Variants in CHSY3 observed in about 807,000 individuals in gnomAD.
CHSY3 encodes the protein N-acetylgalactosaminyl-proteoglycan 3-beta-glucuronosyltransferase 3.
CHSY3 carries 35 observed loss-of-function variants against 67.2 expected under a neutral mutation model. That is an observed-to-expected ratio of 0.52 (90% CI 0.40 to 0.69). The LOEUF is 0.69. CHSY3 is among the 30% of genes least tolerant of loss of function. CHSY3 has a pLI of 0.00. For missense variants in CHSY3, 1,069 were observed against 1,138.5 expected (o/e 0.94, Z 0.88); for synonymous variants, 474 against 434.7 (o/e 1.09, Z -1.12).
At chr5:130,143,756 A>ATATATATATATATATATATG (rs1433405052) in intron 2 of CHSY3, among the ~76,000 whole-genome samples, 10 of 101,914 alleles carry the variant, frequency 9.8e-5, no homozygotes, top group Admixed American at 5.4e-4. Flanking sequence ...ATATATATAT[A>ATATATATATATATATATATG]TGTGTGTGTG....
intron 2 of CHSY3, among the ~76,000 whole-genome samples, chr5:130,171,865 G>GT (rs557642147): frequency 2.5e-4 from 38 of 152,280 alleles, no homozygotes; most frequent in African/African-American, 8.7e-4. Context: ...CACTTATCAG[G>GT]TTGTTTTTGA....
intron 2 of CHSY3, among the ~76,000 whole-genome samples, chr5:130,123,109 A>G (rs753735947): frequency 6.6e-6 from 1 of 152,166 alleles, no homozygotes; most frequent in Non-Finnish European, 1.5e-5. Context: ...TAGAGCCATT[A>G]GTTAAAAACA....
At chr5:129,910,910 G>A (rs766998371) in intron 2 of CHSY3, among the ~76,000 whole-genome samples, 54 of 150,780 alleles carry the variant, frequency 3.6e-4, no homozygotes, top group Non-Finnish European at 6.8e-4. Flanking sequence ...TCTTTTAAAA[G>A]CACTATCTGT....
At chr5:130,091,220 T>A (rs1766872485) in intron 2 of CHSY3, among the ~76,000 whole-genome samples, 1 of 152,084 alleles carries the variant, frequency 6.6e-6, no homozygotes, top group Non-Finnish European at 1.5e-5. Flanking sequence ...AGGGCCATGA[T>A]TCAGTCCTTT....
At chr5:130,012,871 A>G (rs1764108581) in intron 2 of CHSY3, among the ~76,000 whole-genome samples, 1 of 152,082 alleles carries the variant, frequency 6.6e-6, no homozygotes, top group Admixed American at 6.6e-5. Flanking sequence ...AAAAAGTCTT[A>G]ACTCATTCTA....
At position 130,117,129 on chromosome 5, in the gene CHSY3, G is replaced by A. The variant is rs138924818; in HGVS notation, c.1087-67100G>A. On this transcript the variant is annotated intron_variant, in intron 2 of 2. Coordinates refer to ENST00000305031, the MANE Select transcript of CHSY3 (RefSeq NM_175856.5). ...GAGACTCACTACAGTGGTGTGAGGA[G>A]GAGCAATTAGATACCTGTATTTGGA... is the stretch of plus-strand genomic sequence containing the variant. Among the ~76,000 whole-genome samples, 632 of 152,268 alleles carry A rather than the reference G, an allele frequency of 4.2e-3. 7 individuals carry two copies. The highest frequency in any genetic ancestry group is 0.035 in the South Asian group (171 of 4,826).
At chr5:129,950,564 TTC>T (rs1165041932) in intron 2 of CHSY3, among the ~76,000 whole-genome samples, 3 of 152,202 alleles carry the variant, frequency 2.0e-5, no homozygotes, top group Non-Finnish European at 2.9e-5. Context: ...AATAAATATA[TTC>T]AGTAAAGTTT....
chr5:130,099,238 T>C (rs570708157), intron 2 of CHSY3, among the ~76,000 whole-genome samples: 1 of 152,366 alleles, frequency 6.6e-6, no homozygotes, highest in South Asian at 2.1e-4. Context: ...GGAAGTTGTT[T>C]TTCTTTCTGG....
In CHSY3 at chr5:129,930,607, G is replaced by A. The variant is rs140648178; in HGVS notation, c.1086+22247G>A. Among the ~76,000 whole-genome samples, 24 of 151,864 alleles carry A rather than the reference G, an allele frequency of 1.6e-4. No individual in the cohort carries two copies. In the East Asian group the frequency reaches 4.5e-3, roughly 28 times the overall value. ...GGTGAGCTGCATATGATGCCCTGAG[G>A]GGAGGACGGTCAGGCTAGTTTCACC... On this transcript the variant is annotated intron_variant, in intron 2 of 2. Coordinates refer to ENST00000305031, the MANE Select transcript of CHSY3 (RefSeq NM_175856.5).
chr5:130,146,110 A>T (rs1045635793), intron 2 of CHSY3, among the ~76,000 whole-genome samples: 1 of 152,190 alleles, frequency 6.6e-6, no homozygotes, highest in African/African-American at 2.4e-5. Flanking sequence ...TATATATCCA[A>T]AGGAAATATA....
chr5:129,941,103 C>G (rs1761683888), intron 2 of CHSY3, among the ~76,000 whole-genome samples: 1 of 152,072 alleles, frequency 6.6e-6, no homozygotes, highest in African/African-American at 2.4e-5. Context: ...GAGCTGTGAT[C>G]CCATGTGGTC....
intron 2 of CHSY3, among the ~76,000 whole-genome samples, chr5:129,915,750 A>G (rs1647142097): frequency 6.6e-6 from 1 of 152,328 alleles, no homozygotes; most frequent in African/African-American, 2.4e-5. Context: ...ACTTTATAGT[A>G]AAATACAATT....
At chr5:130,014,939 A>G (rs1764173464) in intron 2 of CHSY3, among the ~76,000 whole-genome samples, 1 of 152,228 alleles carries the variant, frequency 6.6e-6, no homozygotes, top group Non-Finnish European at 1.5e-5. Context: ...AACGGGAGAA[A>G]ATAATTTGCA....
chr5:130,120,155 C>G (rs1166573185), intron 2 of CHSY3, among the ~76,000 whole-genome samples: 1 of 152,192 alleles, frequency 6.6e-6, no homozygotes, highest in Non-Finnish European at 1.5e-5. Flanking sequence ...CACTTCTCCT[C>G]TTCTCACCCA....
chr5:130,103,331 G>T (rs1182306090), intron 2 of CHSY3, among the ~76,000 whole-genome samples: 1 of 152,034 alleles, frequency 6.6e-6, no homozygotes, highest in Non-Finnish European at 1.5e-5. Context: ...AATATATTAT[G>T]AAGTTATATT....
At chr5:130,059,495 A>G (rs536401345) in intron 2 of CHSY3, among the ~76,000 whole-genome samples, 2 of 140,258 alleles carry the variant, frequency 1.4e-5, no homozygotes, top group East Asian at 4.3e-4. Context: ...CCATTGTTCT[A>G]TTTCACTAGA....
At chr5:130,000,082 A>C (rs568725521) in intron 2 of CHSY3, among the ~76,000 whole-genome samples, 1 of 152,106 alleles carries the variant, frequency 6.6e-6, no homozygotes, top group East Asian at 1.9e-4. Context: ...ATTTTTTATG[A>C]GGAGTATTAC....
At chr5:130,002,585 T>G (rs1288426207) in intron 2 of CHSY3, among the ~76,000 whole-genome samples, 1 of 152,080 alleles carries the variant, frequency 6.6e-6, no homozygotes, top group Non-Finnish European at 1.5e-5. Flanking sequence ...GCAGTCCTGA[T>G]GCTAGTGCTA....
chr5:130,004,518 G>A (rs1763818476), intron 2 of CHSY3, among the ~76,000 whole-genome samples: 1 of 152,128 alleles, frequency 6.6e-6, no homozygotes, highest in Non-Finnish European at 1.5e-5. Flanking sequence ...TTATTTGCCT[G>A]TTTGTCCTGT....
Sources: gnomAD v4.1 joint callset for allele counts (sites outside exome capture counted in the v4.1 genomes callset) on GRCh38, gnomAD v4.1.1 for gene constraint, MANE v1.5 for transcripts, NCBI Gene and HGNC (gene_info 2026-07-23, HGNC 2026-07-21) for gene names.